CSMD1: variants seen among roughly 807,000 people sequenced by gnomAD.
The protein encoded by CSMD1 is CUB and sushi domain-containing protein 1.
A neutral mutation model predicts 417.5 loss-of-function variants in CSMD1; 213 were observed. The observed-to-expected ratio is 0.51, with a 90% CI of 0.46 to 0.57. The LOEUF (loss-of-function observed/expected upper bound fraction) is 0.57, where lower values mean the gene tolerates loss of function less well. Ranked by LOEUF, CSMD1 falls within the 20% of genes least tolerant of loss-of-function variation. The probability of loss-of-function intolerance (pLI) is 0.00; values close to 1 mark genes in which losing one functional copy is unlikely to be tolerated. For missense variants in CSMD1, 6,923 were observed against 4,529.7 expected, an observed-to-expected ratio of 1.53 and a Z score of -15.17; for synonymous variants, 2,862 against 1,736.8, an observed-to-expected ratio of 1.65 and a Z score of -16.11.
intron 1 of CSMD1, among the ~76,000 whole-genome samples, chr8:4,689,288 T>C (rs1806601953): frequency 1.3e-5 from 2 of 152,216 alleles, no homozygotes; most frequent in African/African-American, 4.8e-5. Flanking sequence ...TAATTTTGGA[T>C]ATGTAGGAAG....
At chr8:3,416,256 C>A (rs1449837985) in intron 12 of CSMD1, among the ~76,000 whole-genome samples, 1 of 135,518 alleles carries the variant, frequency 7.4e-6, no homozygotes, top group African/African-American at 2.8e-5. Flanking sequence ...TGAACCGGGA[C>A]TGCGCAACTG....
chr8:4,834,085 G>C (rs768612466), intron 1 of CSMD1, among the ~76,000 whole-genome samples: 1 of 152,160 alleles, frequency 6.6e-6, no homozygotes, highest in Non-Finnish European at 1.5e-5. Context: ...GACTCCTAGA[G>C]ATATTCAAAT....
chr8:3,508,875 T>G (rs1337199146), intron 10 of CSMD1, among the ~76,000 whole-genome samples: 1 of 152,164 alleles, frequency 6.6e-6, no homozygotes, highest in African/African-American at 2.4e-5. Context: ...AAGTGACCAG[T>G]TAGAGCCATG....
chr8:4,095,401 G>C (rs562603571), intron 3 of CSMD1, among the ~76,000 whole-genome samples: 40 of 151,080 alleles, frequency 2.6e-4, no homozygotes, highest in African/African-American at 9.5e-4. Context: ...AAGTAAAAAA[G>C]AAAAAAAAAT....
chr8:4,014,289 T>C (rs377009316), intron 4 of CSMD1, among the ~76,000 whole-genome samples: 1 of 152,180 alleles, frequency 6.6e-6, no homozygotes, highest in African/African-American at 2.4e-5. Context: ...AATTATGGCA[T>C]TGCGTGTCGA....
intron 26 of CSMD1, among the ~76,000 whole-genome samples, chr8:3,282,752 C>G (rs2117226899): frequency 6.6e-6 from 1 of 152,176 alleles, no homozygotes; most frequent in South Asian, 2.1e-4. Context: ...AGACTATAAC[C>G]AGAGGTAAGA....
At chr8:3,313,803 A>G in intron 23 of CSMD1, among the ~76,000 whole-genome samples, 1 of 152,224 alleles carries the variant, frequency 6.6e-6, no homozygotes, top group East Asian at 1.9e-4. Context: ...TCATGCTTCT[A>G]TAAGGAAACA....
intron 3 of CSMD1, among the ~76,000 whole-genome samples, chr8:4,160,082 AT>A (rs1188461527): frequency 1.6e-5 from 2 of 128,424 alleles, no homozygotes; most frequent in Admixed American, 8.8e-5. Context: ...AAAGTATGGA[AT>A]TTAAAAAAAA....
At chr8:4,669,597 T>G (rs562203560) in intron 1 of CSMD1, among the ~76,000 whole-genome samples, 1 of 152,198 alleles carries the variant, frequency 6.6e-6, no homozygotes, top group African/African-American at 2.4e-5. Flanking sequence ...AGCATTAGGG[T>G]AGCTACTAAG....
intron 3 of CSMD1, among the ~76,000 whole-genome samples, chr8:4,178,335 G>A (rs896531465): frequency 4.6e-5 from 7 of 151,062 alleles, no homozygotes; most frequent in African/African-American, 1.2e-4. Flanking sequence ...AAAACCACAT[G>A]ATTATCTCAA....
intron 12 of CSMD1, among the ~76,000 whole-genome samples, chr8:3,434,059 T>C (rs1317170687): frequency 2.0e-5 from 3 of 152,226 alleles, no homozygotes; most frequent in African/African-American, 7.2e-5. Flanking sequence ...TGGCATTCTT[T>C]GATTATGAGA....
At chr8:2,991,048 T>C (rs956320839) in intron 54 of CSMD1, among the ~76,000 whole-genome samples, 8 of 152,218 alleles carry the variant, frequency 5.3e-5, no homozygotes, top group African/African-American at 1.9e-4. Flanking sequence ...CCAATTCAGA[T>C]AAACTTGGGC....
At chr8:3,832,503 G>A (rs1013067933) in intron 5 of CSMD1, among the ~76,000 whole-genome samples, 2 of 151,888 alleles carry the variant, frequency 1.3e-5, no homozygotes, top group Non-Finnish European at 2.9e-5. Context: ...TTTATCTGTT[G>A]CATAGCATCA....
chr8:3,542,742 G>C (rs1216056449), intron 10 of CSMD1, among the ~76,000 whole-genome samples: 3 of 152,196 alleles, frequency 2.0e-5, no homozygotes, highest in African/African-American at 7.2e-5. Flanking sequence ...AGGTAAGAAG[G>C]AGCTGAATGG....
chr8:4,223,066 C>G (rs914032178), intron 3 of CSMD1, among the ~76,000 whole-genome samples: 2 of 152,040 alleles, frequency 1.3e-5, no homozygotes, highest in Admixed American at 6.6e-5. Flanking sequence ...CATTGGAGAG[C>G]TGCCTAAACA....
intron 2 of CSMD1, among the ~76,000 whole-genome samples, chr8:4,505,397 T>G (rs1802466493): frequency 6.6e-6 from 1 of 152,216 alleles, no homozygotes; most frequent in South Asian, 2.1e-4. Context: ...AGATGATAAA[T>G]AAAGATATTA....
intron 5 of CSMD1, among the ~76,000 whole-genome samples, chr8:3,826,051 C>T (rs561755261): frequency 5.1e-4 from 78 of 152,242 alleles, no homozygotes; most frequent in African/African-American, 1.6e-3. Context: ...CAAATGGAGG[C>T]CCACATAGAC....
At chr8:3,089,848 A>G (rs955535183) in intron 48 of CSMD1, among the ~76,000 whole-genome samples, 3 of 152,222 alleles carry the variant, frequency 2.0e-5, no homozygotes, top group Non-Finnish European at 4.4e-5. Flanking sequence ...ATGACAACAA[A>G]TAAAATACCT....
chr8:3,284,117 AAAG>A (rs1260368118), intron 26 of CSMD1, 24 bp downstream of exon 26: 10 of 1,521,482 alleles, frequency 6.6e-6, no homozygotes, highest in African/African-American at 4.1e-5. Flanking sequence ...ATATCAAGGT[AAAG>A]AAGAAGCACG....
Sources: gnomAD v4.1 joint callset for allele counts (sites outside exome capture counted in the v4.1 genomes callset) on GRCh38, gnomAD v4.1.1 for gene constraint, MANE v1.5 for transcripts, NCBI Gene and HGNC (gene_info 2026-07-23, HGNC 2026-07-21) for gene names.